PGGT1B: variants seen among roughly 807,000 people sequenced by gnomAD.
PGGT1B encodes protein geranylgeranyltransferase type I subunit beta, also known as geranylgeranyl transferase type-1 subunit beta.
Under a neutral mutation model 46.1 loss-of-function variants are expected in PGGT1B, and 30 were observed. The observed-to-expected ratio is 0.65, with a 90% CI of 0.49 to 0.88. The LOEUF is 0.88. Ranked by LOEUF, PGGT1B falls within the 40% of genes least tolerant of loss-of-function variation. PGGT1B has a pLI of 0.00. For missense variants in PGGT1B, 376 were observed against 455.9 expected (o/e 0.82, Z 1.60); for synonymous variants, 170 against 160.0 (o/e 1.06, Z -0.47).
chr5:115,218,103 A>G (rs893619280), intron 7 of PGGT1B, among the ~76,000 whole-genome samples: 3 of 151,868 alleles, frequency 2.0e-5, no homozygotes, highest in African/African-American at 7.2e-5. Context: ...GAAGATGAGG[A>G]AAATATTCAG....
intron 5 of PGGT1B, among the ~76,000 whole-genome samples, chr5:115,233,049 C>A (rs867721684): frequency 2.0e-5 from 3 of 152,032 alleles, no homozygotes; most frequent in Non-Finnish European, 2.9e-5. Flanking sequence ...CAATCTTAAA[C>A]TAGGAATTCT....
intron 1 of PGGT1B, 31 bp downstream of exon 1, chr5:115,262,681 T>G: frequency 1.3e-6 from 2 of 1,582,930 alleles, no homozygotes; most frequent in Non-Finnish European, 1.7e-6. Flanking sequence ...CCGGGCCTTG[T>G]GCCAGCCTGG....
At chr5:115,256,015 G>A (rs1233240219) in intron 1 of PGGT1B, among the ~76,000 whole-genome samples, 1 of 152,092 alleles carries the variant, frequency 6.6e-6, no homozygotes, top group African/African-American at 2.4e-5. Context: ...TGTAAGGTGG[G>A]GTCTGGGCCC....
At chr5:115,252,653 A>C (rs1481642993) in intron 2 of PGGT1B, among the ~76,000 whole-genome samples, 2 of 152,074 alleles carry the variant, frequency 1.3e-5, no homozygotes, top group South Asian at 4.1e-4. Context: ...TTTAAGTGTT[A>C]AGTGTAAAAA....
rs74813806 is a variant in PGGT1B at position 115,260,303 on chromosome 5, T to A, written c.140+2409A>T. Among the ~76,000 whole-genome samples the A allele has an allele frequency of 8.5e-3, 1,299 of 152,310 alleles. 18 individuals are homozygous for A. Among genetic ancestry groups the A allele is most frequent in the African/African-American group, 0.03 (1,238 of 41,570 alleles). On this transcript the variant is annotated intron_variant, in intron 1 of 8. Coordinates refer to ENST00000419445, the MANE Select transcript of PGGT1B (RefSeq NM_005023.4). The stretch of plus-strand genomic sequence containing the variant: ...TATTAGCCTTCTCAAAGCTTTTTCA[T>A]ACCTATTGGTAAAAAGAAACGAACA...
rs1166971065 is a variant in PGGT1B at position 115,222,101 on chromosome 5, T to C, written c.659-93A>G. On this transcript the variant is annotated intron_variant, in intron 6 of 8. Transcript: ENST00000419445. ...TCAAGGGGAAAAAGTGGTTATATAA[T>C]TCTAGAAAATAGTGAAATAAAATTT... 9.6e-6 allele frequency: 6 copies of C among 623,056 alleles called. 1 individual carries two copies. Among genetic ancestry groups the C allele is most frequent in the Non-Finnish European group, 1.0e-5 (4 of 392,232 alleles). 38.6% of individuals were successfully genotyped at this position (623,056 alleles called of 1,614,324 possible).
chr5:115,216,101 T>G (rs1756408410), intron 8 of PGGT1B, among the ~76,000 whole-genome samples: 1 of 152,042 alleles, frequency 6.6e-6, no homozygotes, highest in Non-Finnish European at 1.5e-5. Flanking sequence ...GTATGGGAAG[T>G]GAGAAACACA....
intron 1 of PGGT1B, among the ~76,000 whole-genome samples, chr5:115,254,500 T>C (rs1196281698): frequency 6.6e-6 from 1 of 152,062 alleles, no homozygotes; most frequent in Non-Finnish European, 1.5e-5. Flanking sequence ...TTCATGTCAG[T>C]GCTCAAACCG....
At chr5:115,252,526 C>G (rs1748147051) in intron 2 of PGGT1B, among the ~76,000 whole-genome samples, 1 of 151,744 alleles carries the variant, frequency 6.6e-6, no homozygotes, top group African/African-American at 2.4e-5. Flanking sequence ...TAAGTTATAT[C>G]TATCTTAGAT....
intron 2 of PGGT1B, among the ~76,000 whole-genome samples, chr5:115,251,831 TA>T (rs143447812): frequency 0.029 from 4,430 of 150,888 alleles, 67 homozygotes; most frequent in South Asian, 0.058. Context: ...TACTTATAAT[TA>T]AAAAAAAATA....
At chr5:115,226,968 T>G (rs1387661175) in intron 6 of PGGT1B, among the ~76,000 whole-genome samples, 1 of 151,932 alleles carries the variant, frequency 6.6e-6, no homozygotes, top group Non-Finnish European at 1.5e-5. Context: ...AAGGAAGCAT[T>G]TCAAGCAAAG....
In PGGT1B at chr5:115,205,205, C is replaced by T. The variant is rs1374281622; in HGVS notation, c.*7197G>A. On this transcript the variant is annotated 3_prime_UTR_variant, in exon 9 of 9. Transcript: ENST00000419445. ...AATCTTTTACTTTTTCACAATTTCT[C>T]CAGTGAATTGTATGTCTTTCATGAT... The T allele has an allele frequency of 1.3e-5, 2 of 152,114 alleles. No homozygotes were observed. The highest frequency in any genetic ancestry group is 4.8e-5 in the African/African-American group (2 of 41,430). 9.4% of individuals were successfully genotyped at this position (152,114 alleles called of 1,614,324 possible).
intron 2 of PGGT1B, among the ~76,000 whole-genome samples, chr5:115,244,480 A>AAAAG (rs1747720295): frequency 5.1e-5 from 7 of 136,238 alleles, no homozygotes; most frequent in South Asian, 2.3e-4. Flanking sequence ...AAAAAAAAAA[A>AAAAG]AAAAAAAAAA....
chr5:115,213,854 C>T (rs2126986353), intron 8 of PGGT1B, among the ~76,000 whole-genome samples: 1 of 152,308 alleles, frequency 6.6e-6, no homozygotes, highest in African/African-American at 2.4e-5. Flanking sequence ...TTACTTACAA[C>T]AGTATCACTT....
At chr5:115,246,079 C>T (rs1301177098) in intron 2 of PGGT1B, among the ~76,000 whole-genome samples, 2 of 152,098 alleles carry the variant, frequency 1.3e-5, no homozygotes, top group East Asian at 1.9e-4. Context: ...AGGCCGGGCG[C>T]GGTGGCTCAA....
chr5:115,245,292 G>C (rs1747781315), intron 2 of PGGT1B, among the ~76,000 whole-genome samples: 1 of 152,176 alleles, frequency 6.6e-6, no homozygotes, highest in Non-Finnish European at 1.5e-5. Flanking sequence ...AGGTGAATCA[G>C]TAAATGACAT....
chr5:115,223,769 T>G (rs1756667848), intron 6 of PGGT1B, among the ~76,000 whole-genome samples: 1 of 152,210 alleles, frequency 6.6e-6, no homozygotes, highest in South Asian at 2.1e-4. Flanking sequence ...GAAAAGTCAG[T>G]ATTTTTCCAT....
chr5:115,257,665 G>A (rs1364252720), intron 1 of PGGT1B, among the ~76,000 whole-genome samples: 1 of 151,972 alleles, frequency 6.6e-6, no homozygotes, highest in African/African-American at 2.4e-5. Flanking sequence ...CCAAACTTTG[G>A]ATCCCTTGTC....
chr5:115,212,240 T>G lies in PGGT1B; in HGVS notation c.*162A>C. 1 of 1,292,830 alleles carries G rather than the reference T, an allele frequency of 7.7e-7. No individual in the cohort carries two copies. Among genetic ancestry groups the G allele is most frequent in the Non-Finnish European group, 1.0e-6 (1 of 970,636 alleles). The allele number at this position is 1,292,830 out of a possible 1,614,324, so 80.1% of individuals were successfully genotyped here. Reference sequence around the variant, plus strand: ...ACAAAGATTTTCTTGAAACCCAGTATAAAGATTACTGGCTCAAGACCATAT... The same window carrying G: ...ACAAAGATTTTCTTGAAACCCAGTAGAAAGATTACTGGCTCAAGACCATAT... On this transcript the variant is annotated 3_prime_UTR_variant, in exon 9 of 9. Coordinates refer to ENST00000419445, the MANE Select transcript of PGGT1B (RefSeq NM_005023.4).
Sources: allele counts gnomAD v4.1 joint callset (sites outside exome capture counted in the v4.1 genomes callset), GRCh38; gene constraint gnomAD v4.1.1; transcripts MANE v1.5; gene names NCBI Gene and HGNC (gene_info 2026-07-23, HGNC 2026-07-21).